LOC400499: variants seen among roughly 807,000 people sequenced by gnomAD.
At chr16:11,457,963 A>C in the LOC400499 span, among the ~76,000 whole-genome samples, 1 of 152,228 alleles carries the variant, frequency 6.6e-6, no homozygotes, top group South Asian at 2.1e-4. Context: ...GCACTATGGG[A>C]GGCCGAGGCA....
the LOC400499 span, among the ~76,000 whole-genome samples, chr16:11,481,290 A>G: frequency 6.6e-6 from 1 of 152,200 alleles, no homozygotes; most frequent in Non-Finnish European, 1.5e-5. Context: ...TGGTGGTGGC[A>G]CAACATGGTG....
At chr16:11,388,552 G>C in the LOC400499 span, among the ~76,000 whole-genome samples, 14 of 152,282 alleles carry the variant, frequency 9.2e-5, no homozygotes, top group Middle Eastern at 3.4e-3. Flanking sequence ...GTGCCTGTGA[G>C]GGGGAGGATA....
At chr16:11,488,264 C>G in the LOC400499 span, among the ~76,000 whole-genome samples, 2 of 151,976 alleles carry the variant, frequency 1.3e-5, no homozygotes, top group African/African-American at 4.8e-5. Flanking sequence ...ATATAAGGTA[C>G]AAACAGCCAA....
the LOC400499 span, among the ~76,000 whole-genome samples, chr16:11,509,469 G>T: frequency 8.6e-5 from 13 of 151,930 alleles, no homozygotes; most frequent in Non-Finnish European, 1.6e-4. Flanking sequence ...ACCCTGCCTT[G>T]TAAAGATCTC....
the LOC400499 span, chr16:11,424,373 G>C: frequency 2.5e-6 from 1 of 399,382 alleles, no homozygotes; most frequent in Non-Finnish European, 4.4e-6. Flanking sequence ...GGGCAGGAGT[G>C]GGCAGAGCCC....
the LOC400499 span, among the ~76,000 whole-genome samples, chr16:11,466,831 T>C: frequency 6.6e-6 from 1 of 152,222 alleles, no homozygotes. Context: ...TAGATTGAAT[T>C]AATCTCAATG....
the LOC400499 span, among the ~76,000 whole-genome samples, chr16:11,438,607 CAAA>C: frequency 6.9e-4 from 41 of 59,836 alleles, no homozygotes; most frequent in African/African-American, 2.6e-3. Context: ...CCTGTCTCTG[CAAA>C]AAAAAAAAAA....
the LOC400499 span, chr16:11,462,349 G>A: frequency 7.0e-7 from 1 of 1,425,388 alleles, no homozygotes; most frequent in African/African-American, 1.4e-5. Context: ...TTGGCCAGCA[G>A]GCCCAGCCCT....
At chr16:11,452,456 C>T in the LOC400499 span, among the ~76,000 whole-genome samples, 1 of 152,232 alleles carries the variant, frequency 6.6e-6, no homozygotes, top group South Asian at 2.1e-4. Context: ...TGACCACACG[C>T]GGGGTTCATG....
At chr16:11,519,027 C>T in the LOC400499 span, 5 of 398,826 alleles carry the variant, frequency 1.3e-5, no homozygotes, top group African/African-American at 4.1e-5. Context: ...CGGGAACTCG[C>T]CAGCACCCCA....
the LOC400499 span, among the ~76,000 whole-genome samples, chr16:11,454,629 G>A: frequency 6.6e-6 from 1 of 152,238 alleles, no homozygotes; most frequent in Non-Finnish European, 1.5e-5. Flanking sequence ...GAGCCTTAGA[G>A]AGAACATGGC....
chr16:11,496,640 A>T, the LOC400499 span, among the ~76,000 whole-genome samples: 14 of 151,516 alleles, frequency 9.2e-5, no homozygotes, highest in African/African-American at 2.2e-4. Context: ...GTCCCATTGG[A>T]TGTGTGCATG....
chr16:11,446,745 C>A, the LOC400499 span: 2 of 1,535,740 alleles, frequency 1.3e-6, no homozygotes, highest in Non-Finnish European at 1.7e-6. Context: ...CAGACACACT[C>A]ACGTAGGGGT....
the LOC400499 span, among the ~76,000 whole-genome samples, chr16:11,510,462 C>G: frequency 4.0e-5 from 6 of 151,804 alleles, no homozygotes; most frequent in Admixed American, 2.0e-4. Flanking sequence ...CTTGTCTTAT[C>G]CTTCATTACT....
chr16:11,420,743 C>T, the LOC400499 span, among the ~76,000 whole-genome samples: 1 of 152,060 alleles, frequency 6.6e-6, no homozygotes, highest in Non-Finnish European at 1.5e-5. Context: ...AAAGAATGAG[C>T]CGCGGCCCAG....
the LOC400499 span, among the ~76,000 whole-genome samples, chr16:11,506,122 C>G: frequency 6.6e-6 from 1 of 152,042 alleles, no homozygotes; most frequent in African/African-American, 2.4e-5. Flanking sequence ...CTGTAACCTC[C>G]GCCTCCTGGG....
chr16:11,509,067 GCAAA>G, the LOC400499 span, among the ~76,000 whole-genome samples: 1 of 151,848 alleles, frequency 6.6e-6, no homozygotes, highest in Non-Finnish European at 1.5e-5. Flanking sequence ...CAGGGGCTGG[GCAAA>G]CAAACTGTGG....
chr16:11,501,477 C>G, the LOC400499 span, among the ~76,000 whole-genome samples: 5 of 152,302 alleles, frequency 3.3e-5, no homozygotes, highest in African/African-American at 1.2e-4. Context: ...CCCACTCAGC[C>G]TCCCAAGTAG....
chr16:11,490,620 G>A, the LOC400499 span, among the ~76,000 whole-genome samples: 264 of 152,276 alleles, frequency 1.7e-3, 3 homozygotes, highest in African/African-American at 6.0e-3. Flanking sequence ...AGAATGGCAT[G>A]AACCCGGGAG....
Sources: allele counts gnomAD v4.1 joint callset (sites outside exome capture counted in the v4.1 genomes callset), GRCh38; gene constraint gnomAD v4.1.1; transcripts MANE v1.5.